DLGAP4: variants seen among roughly 807,000 people sequenced by gnomAD.
The protein encoded by DLGAP4 is disks large-associated protein 4.
In DLGAP4, 18 loss-of-function variants were observed where a neutral mutation model predicts 86.9. The observed-to-expected ratio is 0.21, with a 90% CI of 0.14 to 0.31. The LOEUF (loss-of-function observed/expected upper bound fraction) is 0.31. DLGAP4 is among the 10% of genes least tolerant of loss of function. The pLI, the probability that DLGAP4 is intolerant of heterozygous loss-of-function variation, is 1.00. For synonymous variants in DLGAP4, 548 were observed against 574.3 expected, an observed-to-expected ratio of 0.95 and a Z score of 0.65; for missense variants, 1,085 against 1,362.6, an observed-to-expected ratio of 0.80 and a Z score of 3.21.
chr20:36,482,664 T>G (rs548431752), intron 7 of DLGAP4, among the ~76,000 whole-genome samples: 24 of 152,112 alleles, frequency 1.6e-4, no homozygotes, highest in South Asian at 4.2e-4. Context: ...CGTGGGTTGT[T>G]TTTTTGTTTT....
At chr20:36,484,913 A>G (rs948804579) in intron 7 of DLGAP4, among the ~76,000 whole-genome samples, 2 of 152,204 alleles carry the variant, frequency 1.3e-5, no homozygotes, top group African/African-American at 4.8e-5. Context: ...TTTTTTGCCA[A>G]TTGATTTTTT....
rs2037841598 is a variant in DLGAP4 at position 36,527,482 on chromosome 20, A to ATGTTT, written c.*453_*457dup. ...CGCTCTGACCTTGATTTTCATTCTTATGTTTTTCTCTTTTCCCTTCAGAGC... is the reference window on the plus strand; with the variant it reads ...CGCTCTGACCTTGATTTTCATTCTTATGTTTTGTTTTTCTCTTTTCCCTTCAGAGC... On this transcript the variant is annotated 3_prime_UTR_variant, in exon 13 of 13. Coordinates refer to ENST00000339266, the MANE Select transcript of DLGAP4 (RefSeq NM_001365621.2). The ATGTTT allele has an allele frequency of 1.3e-5, 2 of 154,274 alleles. No homozygotes were observed. The highest frequency in any genetic ancestry group is 4.8e-5 in the African/African-American group (2 of 41,358). The allele number at this position is 154,274 out of a possible 1,614,324, so 9.6% of individuals were successfully genotyped here.
At chr20:36,425,566 G>A (rs2032952220) in intron 2 of DLGAP4, among the ~76,000 whole-genome samples, 1 of 151,564 alleles carries the variant, frequency 6.6e-6, no homozygotes, top group African/African-American at 2.4e-5. Flanking sequence ...TGGCTCGCCT[G>A]TAATCCCAGC....
intron 2 of DLGAP4, among the ~76,000 whole-genome samples, chr20:36,400,919 G>A (rs959309575): frequency 6.6e-6 from 1 of 152,170 alleles, no homozygotes; most frequent in Admixed American, 6.5e-5. Flanking sequence ...GGGCCAGCGG[G>A]GAATCAGAGG....
intron 1 of DLGAP4, among the ~76,000 whole-genome samples, chr20:36,363,310 G>A (rs1206070652): frequency 6.6e-6 from 1 of 152,174 alleles, no homozygotes; most frequent in Non-Finnish European, 1.5e-5. Context: ...TTTTACTTGA[G>A]GTGCAGTGAG....
intron 6 of DLGAP4, among the ~76,000 whole-genome samples, chr20:36,445,232 G>T (rs1212731685): frequency 6.6e-6 from 1 of 152,100 alleles, no homozygotes; most frequent in Admixed American, 6.6e-5. Flanking sequence ...TTGGCCAGGC[G>T]CAGTGGCTCA....
chr20:36,409,895 A>G (rs1162165901), intron 2 of DLGAP4, among the ~76,000 whole-genome samples: 13 of 150,944 alleles, frequency 8.6e-5, no homozygotes, highest in East Asian at 3.9e-4. Context: ...TTAGCCGGGT[A>G]TGGTGGCGGG....
intron 2 of DLGAP4, among the ~76,000 whole-genome samples, chr20:36,382,599 G>A (rs6016877): frequency 0.012 from 1,668 of 138,644 alleles, 45 homozygotes; most frequent in African/African-American, 0.043. Context: ...GCACGATCTC[G>A]GCTCACTGCA....
intron 2 of DLGAP4, among the ~76,000 whole-genome samples, chr20:36,425,710 AC>A (rs58264455): frequency 0.14 from 21,776 of 151,988 alleles, 1,681 homozygotes; most frequent in African/African-American, 0.19. Flanking sequence ...AATCCCAGCT[AC>A]TCGGGTTGCT....
chr20:36,485,892 C>T (rs750252462), intron 7 of DLGAP4, among the ~76,000 whole-genome samples: 45 of 152,158 alleles, frequency 3.0e-4, no homozygotes, highest in Non-Finnish European at 5.3e-4. Context: ...TCCATTGCTC[C>T]GTGCCGAGGG....
At chr20:36,379,313 G>T (rs1242689833) in intron 2 of DLGAP4, among the ~76,000 whole-genome samples, 1 of 152,230 alleles carries the variant, frequency 6.6e-6, no homozygotes, top group Admixed American at 6.5e-5. Context: ...TATTCTGGTG[G>T]TGGGTGCGGG....
intron 1 of DLGAP4, among the ~76,000 whole-genome samples, chr20:36,344,354 C>T (rs1417136563): frequency 6.6e-6 from 1 of 152,208 alleles, no homozygotes; most frequent in Admixed American, 6.5e-5. Context: ...AGGCACACAG[C>T]AAGCACCCAA....
intron 2 of DLGAP4, among the ~76,000 whole-genome samples, chr20:36,379,951 G>A (rs1403081466): frequency 1.3e-5 from 2 of 152,194 alleles, no homozygotes; most frequent in Non-Finnish European, 2.9e-5. Context: ...GGAGACCAAG[G>A]TGGGAGAATC....
At chr20:36,392,132 C>T (rs981982250) in intron 2 of DLGAP4, among the ~76,000 whole-genome samples, 5 of 152,162 alleles carry the variant, frequency 3.3e-5, no homozygotes, top group African/African-American at 1.2e-4. Context: ...AGCCAGTGAG[C>T]TGGGGGGCAG....
chr20:36,416,866 C>T (rs1448551831), intron 2 of DLGAP4, among the ~76,000 whole-genome samples: 4 of 152,108 alleles, frequency 2.6e-5, no homozygotes, highest in Admixed American at 6.5e-5. Flanking sequence ...TCTCTCCCAT[C>T]GGGCAGCTGC....
chr20:36,385,673 C>T (rs2031570109), intron 2 of DLGAP4, among the ~76,000 whole-genome samples: 1 of 152,230 alleles, frequency 6.6e-6, no homozygotes, highest in South Asian at 2.1e-4. Context: ...GCTGTTCCTC[C>T]ACCAGCCTCC....
intron 2 of DLGAP4, among the ~76,000 whole-genome samples, chr20:36,408,027 G>A: frequency 6.6e-6 from 1 of 152,074 alleles, no homozygotes; most frequent in East Asian, 1.9e-4. Flanking sequence ...ATCAGAATGT[G>A]TTCTCGGAGC....
chr20:36,500,734 T>C lies in DLGAP4; in HGVS notation c.2512+123T>C. 3.3e-6 allele frequency: 3 copies of C among 904,450 alleles called. No individual in the cohort carries two copies. The highest frequency in any genetic ancestry group is 4.6e-6 in the Non-Finnish European group (3 of 659,246). 56.0% of individuals were successfully genotyped at this position (904,450 alleles called of 1,614,324 possible). ...TCTTAGGTTCTCTTCTTGGGCTAGT[T>C]TTTGAGCTCCCTTCTTACTTTCTTC... On this transcript the variant is annotated intron_variant, in intron 10 of 12. Coordinates refer to ENST00000339266, the MANE Select transcript of DLGAP4 (RefSeq NM_001365621.2). The surrounding 1 kb of genome is among the most constrained non-coding windows in gnomAD (Gnocchi z 4.6).
At chr20:36,361,027 A>G (rs1370893056) in intron 1 of DLGAP4, among the ~76,000 whole-genome samples, 2 of 151,860 alleles carry the variant, frequency 1.3e-5, no homozygotes, top group South Asian at 2.1e-4. Flanking sequence ...CAATGGCGTC[A>G]CCACCTGGGA....
Sources: gnomAD v4.1 joint callset for allele counts (sites outside exome capture counted in the v4.1 genomes callset) on GRCh38, gnomAD v4.1.1 for gene constraint, Gnocchi (gnomAD v3.1) non-coding constraint, MANE v1.5 for transcripts, NCBI Gene and HGNC (gene_info 2026-07-23, HGNC 2026-07-21) for gene names.